Variants in SYNPR observed in about 807,000 individuals in gnomAD.
SYNPR encodes synaptoporin.
SYNPR carries 23 observed loss-of-function variants against 32.9 expected under a neutral mutation model. The ratio of observed to expected loss-of-function variants is 0.70; its 90% confidence interval spans 0.50 to 0.99. SYNPR has a LOEUF of 0.99. SYNPR is among the 50% of genes least tolerant of loss of function. The pLI, the probability that SYNPR is intolerant of heterozygous loss-of-function variation, is 0.00. For missense variants in SYNPR, 318 were observed against 349.3 expected, an observed-to-expected ratio of 0.91 and a Z score of 0.71; for synonymous variants, 146 against 135.9, an observed-to-expected ratio of 1.07 and a Z score of -0.52.
At position 63,301,282 on chromosome 3, in the gene SYNPR, C is replaced by T. The variant is rs139676381; in HGVS notation, c.84+22540C>T. 1.0e-3 allele frequency among the ~76,000 whole-genome samples: 154 copies of T among 152,140 alleles called. 2 individuals carry two copies. The East Asian group carries it at 0.028, about 28-fold the overall frequency. ...ACTGTTAGGTATAAAATGCGTTCAG[C>T]GCAGTACCTAATATAGGGTGGGCCC... is the stretch of plus-strand genomic sequence containing the variant. On this transcript the variant is annotated intron_variant, in intron 2 of 5. Transcript: ENST00000478300.
intron 3 of SYNPR, among the ~76,000 whole-genome samples, chr3:63,531,633 G>A (rs1022229276): frequency 1.3e-5 from 2 of 152,156 alleles, no homozygotes; most frequent in African/African-American, 2.4e-5. Context: ...TTTGGGAGAT[G>A]TAATTCAGTC....
At chr3:63,203,102 T>TATATATA in the SYNPR span, 1 of 92,432 alleles carries the variant, frequency 1.1e-5, no homozygotes, top group Non-Finnish European at 2.1e-5. Flanking sequence ...ATATATATAT[T>TATATATA]TGCCACGTTT....
chr3:63,440,513 G>A (rs745635303), intron 2 of SYNPR, among the ~76,000 whole-genome samples: 2 of 152,158 alleles, frequency 1.3e-5, no homozygotes, highest in African/African-American at 2.4e-5. Context: ...CCTAAAGGGA[G>A]CCTGTTGCAG....
chr3:63,609,222 A>G lies in SYNPR; in HGVS notation c.506A>G (p.Lys169Arg), dbSNP rs1335194053. 6.2e-7 allele frequency: 1 copy of G among 1,609,528 alleles called. No homozygotes were observed. Among genetic ancestry groups the G allele is most frequent in the African/African-American group, 1.3e-5 (1 of 74,904 alleles). Residue 169 changes from lysine (K) to arginine (R), a missense_variant, in exon 5 of 6, where the codon AAG (lysine) becomes AGG (arginine). Lys to Arg is a conservative substitution (Grantham distance 26, BLOSUM62 2). Transcript: ENST00000478300. ...LSDVKVATDP[K>R]EVLLLMSACK... Reference sequence around the variant, plus strand: ...GACGTCAAAGTTGCAACGGATCCCAAGGAAGTATTGCTACTAATGTCAGCT... The same window carrying G: ...GACGTCAAAGTTGCAACGGATCCCAGGGAAGTATTGCTACTAATGTCAGCT...
At chr3:63,373,117 C>T (rs2087842048) in intron 2 of SYNPR, among the ~76,000 whole-genome samples, 1 of 152,074 alleles carries the variant, frequency 6.6e-6, no homozygotes, top group South Asian at 2.1e-4. Flanking sequence ...AATCATCCCA[C>T]CATAGATGAG....
At chr3:63,289,294 T>C (rs973552250) in intron 2 of SYNPR, 1 of 152,326 alleles carries the variant, frequency 6.6e-6, no homozygotes, top group African/African-American at 2.4e-5. Flanking sequence ...TGTCTTAGTC[T>C]GCTTTGTGTT....
At chr3:63,231,226 C>T (rs1444546346) in intron 1 of SYNPR, among the ~76,000 whole-genome samples, 1 of 151,372 alleles carries the variant, frequency 6.6e-6, no homozygotes, top group Non-Finnish European at 1.5e-5. Flanking sequence ...AGCCATTATT[C>T]TAAGTGAAGT....
At chr3:63,560,265 T>C (rs562756128) in intron 4 of SYNPR, among the ~76,000 whole-genome samples, 1 of 152,296 alleles carries the variant, frequency 6.6e-6, no homozygotes, top group East Asian at 1.9e-4. Flanking sequence ...GCCTGAATCA[T>C]AGGAGTCACA....
chr3:63,556,457 A>T (rs868294951), intron 3 of SYNPR, 86 bp from the exon 4 acceptor site: 4 of 1,238,616 alleles, frequency 3.2e-6, no homozygotes, highest in Middle Eastern at 5.6e-4. Flanking sequence ...ATCACATCCC[A>T]TTTTGCTTTA....
At position 63,278,818 on chromosome 3, in the gene SYNPR, C is replaced by A. The variant is rs150818118; in HGVS notation, c.84+76C>A. On this transcript the variant is annotated intron_variant, in intron 2 of 5. Coordinates refer to ENST00000478300, the MANE Select transcript of SYNPR (RefSeq NM_001130003.2). ...GTGAGGAGAGGTCGGATGGGGTGCT[C>A]CCTGCTCAGTTCTGCTCCAAGCCGG... The A allele has an allele frequency of 1.4e-5, 20 of 1,465,128 alleles. No homozygotes were observed. In the African/African-American group the frequency reaches 2.1e-4, roughly 15 times the overall value. The allele number at this position is 1,465,128 out of a possible 1,614,324, so 90.8% of individuals were successfully genotyped here. A position where few individuals can be genotyped will look rare whatever the true frequency, so the allele number is the denominator to read the frequency against.
chr3:63,615,825 G>C lies in SYNPR; in HGVS notation c.*344G>C, dbSNP rs533626977. ...ATATGCATAAAGTAAATCAAATAGC[G>C]TTGAGTTTTCTTATGCATTTTGATG... On this transcript the variant is annotated 3_prime_UTR_variant, in exon 6 of 6. Transcript: ENST00000478300. The C allele has an allele frequency of 4.0e-5, 7 of 175,746 alleles. No individual in the cohort carries two copies. The South Asian group carries it at 7.2e-4, about 18-fold the overall frequency. The allele number at this position is 175,746 out of a possible 1,614,324, so 10.9% of individuals were successfully genotyped here. A position where few individuals can be genotyped will look rare whatever the true frequency, so the allele number is the denominator to read the frequency against.
intron 1 of SYNPR, among the ~76,000 whole-genome samples, chr3:63,235,902 T>TA (rs1272190826): frequency 2.0e-5 from 3 of 152,122 alleles, no homozygotes; most frequent in Non-Finnish European, 4.4e-5. Context: ...TTTTCTTTTA[T>TA]TAATCATGCT....
chr3:63,541,471 A>G (rs760820598), intron 3 of SYNPR, among the ~76,000 whole-genome samples: 38 of 152,040 alleles, frequency 2.5e-4, no homozygotes, highest in Non-Finnish European at 8.8e-5. Context: ...CTTTCTATTG[A>G]CCTGAGTTAT....
At chr3:63,439,469 T>C (rs1201277068) in intron 2 of SYNPR, among the ~76,000 whole-genome samples, 1 of 152,242 alleles carries the variant, frequency 6.6e-6, no homozygotes, top group Non-Finnish European at 1.5e-5. Flanking sequence ...GTCTGAGCTA[T>C]CTGATAAATT....
At chr3:63,484,643 C>A (rs1701110631) in intron 3 of SYNPR, among the ~76,000 whole-genome samples, 1 of 49,000 alleles carries the variant, frequency 2.0e-5, no homozygotes, top group African/African-American at 8.5e-5. Context: ...GTGCTAGATA[C>A]CTTGACATAT....
chr3:63,562,691 C>T (rs748456265), intron 4 of SYNPR, among the ~76,000 whole-genome samples: 1 of 152,150 alleles, frequency 6.6e-6, no homozygotes, highest in Non-Finnish European at 1.5e-5. Flanking sequence ...AATTTAATTC[C>T]TCTTTAGTGA....
At chr3:63,398,166 T>C (rs2107096552) in intron 2 of SYNPR, among the ~76,000 whole-genome samples, 1 of 152,280 alleles carries the variant, frequency 6.6e-6, no homozygotes, top group African/African-American at 2.4e-5. Flanking sequence ...CTTCTGTAAA[T>C]GAAGTCAACT....
chr3:63,337,510 A>C (rs186385034), intron 2 of SYNPR, among the ~76,000 whole-genome samples: 1 of 152,252 alleles, frequency 6.6e-6, no homozygotes, highest in Admixed American at 6.5e-5. Context: ...ATACTTCTAG[A>C]TATTTACCCA....
intron 3 of SYNPR, among the ~76,000 whole-genome samples, chr3:63,516,710 T>A (rs1032769432): frequency 6.6e-6 from 1 of 152,150 alleles, no homozygotes; most frequent in African/African-American, 2.4e-5. Context: ...TACTCAGTTA[T>A]ATACAACTCT....
Sources: allele counts gnomAD v4.1 joint callset (sites outside exome capture counted in the v4.1 genomes callset), GRCh38; gene constraint gnomAD v4.1.1; transcripts MANE v1.5; gene names NCBI Gene and HGNC (gene_info 2026-07-23, HGNC 2026-07-21).